FBXL5: variants seen among roughly 807,000 people sequenced by gnomAD.
The protein encoded by FBXL5 is F-box/LRR-repeat protein 5.
Under a neutral mutation model 78.3 loss-of-function variants are expected in FBXL5, and 26 were observed. The ratio of observed to expected loss-of-function variants is 0.33; its 90% CI spans 0.24 to 0.46. FBXL5 has a LOEUF of 0.46. Ranked by LOEUF, FBXL5 falls within the 20% of genes least tolerant of loss-of-function variation. The pLI is 1.00. For synonymous variants in FBXL5, 295 were observed against 282.5 expected (o/e 1.04, Z -0.45); for missense variants, 710 against 829.2 (o/e 0.86, Z 1.77).
intron 8 of FBXL5, among the ~76,000 whole-genome samples, chr4:15,626,585 T>A (rs1436120189): frequency 6.6e-6 from 1 of 152,164 alleles, no homozygotes; most frequent in African/African-American, 2.4e-5. Flanking sequence ...CAACTAAAAC[T>A]AAAACTTCTT....
At chr4:15,666,548 G>A (rs986569594) in intron 1 of FBXL5, among the ~76,000 whole-genome samples, 1 of 125,614 alleles carries the variant, frequency 8.0e-6, no homozygotes, top group African/African-American at 2.6e-5. Flanking sequence ...AAAGTGTCAG[G>A]TAGACAGGAG....
At chr4:15,661,319 G>A (rs1178624503), upstream of FBXL5, among the ~76,000 whole-genome samples, 1 of 152,190 alleles carries the variant, frequency 6.6e-6, no homozygotes, top group East Asian at 1.9e-4. Context: ...GGGTTGGAGT[G>A]TGGAACCAGT....
At chr4:15,649,323 T>C (rs1169679415) in intron 1 of FBXL5, among the ~76,000 whole-genome samples, 2 of 152,116 alleles carry the variant, frequency 1.3e-5, no homozygotes, top group Admixed American at 6.5e-5. Context: ...TTCACGCCTG[T>C]AATCCCAGCA....
chr4:15,633,239 T>C (rs764198164), intron 5 of FBXL5, among the ~76,000 whole-genome samples: 7 of 152,370 alleles, frequency 4.6e-5, no homozygotes, highest in Middle Eastern at 3.4e-3. Flanking sequence ...GAGTCTGCTA[T>C]GTACCTGCTA....
intron 1 of FBXL5, among the ~76,000 whole-genome samples, chr4:15,650,050 G>T (rs561710703): frequency 6.6e-6 from 1 of 152,154 alleles, no homozygotes; most frequent in African/African-American, 2.4e-5. Context: ...CACCAAGGCA[G>T]TAATTTTGCC....
At chr4:15,640,265 C>T (rs1473955380) in intron 3 of FBXL5, among the ~76,000 whole-genome samples, 2 of 151,490 alleles carry the variant, frequency 1.3e-5, no homozygotes, top group Non-Finnish European at 2.9e-5. Flanking sequence ...TGGTCTTGAA[C>T]TCGTGAGTTC....
intron 5 of FBXL5, among the ~76,000 whole-genome samples, chr4:15,633,412 A>G (rs1713898034): frequency 6.6e-6 from 1 of 152,226 alleles, no homozygotes; most frequent in African/African-American, 2.4e-5. Flanking sequence ...ATAACAGCTA[A>G]TAACTAAAAG....
chr4:15,625,140 TC>T (rs1464950993), intron 9 of FBXL5, 111 bp downstream of exon 9: 2 of 1,240,822 alleles, frequency 1.6e-6, no homozygotes, highest in Non-Finnish European at 2.2e-6. Flanking sequence ...TCTTGGTTAA[TC>T]CTTTTTGCTA....
Position 15,630,596 on chromosome 4 carries a change from AATAATT to A in FBXL5, c.892+64_892+69del, listed in dbSNP as rs1416850269. ...CACAAAATACATAAATCTAATACCT[AATAATT>A]ATAAGTACTTAATTATCAATTATTA... On this transcript the variant is annotated intron_variant, in intron 6 of 10. Transcript: ENST00000341285. 6.8e-6 allele frequency: 9 copies of A among 1,332,438 alleles called. No individual in the cohort carries two copies. In the East Asian group the frequency reaches 1.7e-4, roughly 25 times the overall value. 82.5% of individuals were successfully genotyped at this position (1,332,438 alleles called of 1,614,324 possible).
intron 10 of FBXL5, among the ~76,000 whole-genome samples, chr4:15,610,590 C>T (rs1722183278): frequency 1.3e-5 from 2 of 151,986 alleles, no homozygotes; most frequent in Admixed American, 1.3e-4. Context: ...TGCATAAGGA[C>T]AAAGTGCAAA....
At chr4:15,660,713 CAT>C (rs541198830), upstream of FBXL5, among the ~76,000 whole-genome samples, 31 of 152,274 alleles carry the variant, frequency 2.0e-4, no homozygotes, top group East Asian at 3.7e-3. Flanking sequence ...TAATCTACAA[CAT>C]GTGTAAAAAG....
chr4:15,631,020 A>G (rs1335446318), intron 5 of FBXL5, among the ~76,000 whole-genome samples: 1 of 152,106 alleles, frequency 6.6e-6, no homozygotes, highest in Admixed American at 6.6e-5. Context: ...GCACCCATCA[A>G]CTCATCATTT....
In FBXL5 at chr4:15,605,518, C is replaced by G. The variant is rs1324075992; in HGVS notation, c.*205G>C. On this transcript the variant is annotated 3_prime_UTR_variant, in exon 11 of 11. Transcript: ENST00000341285. ...TCTCACCCTTTTGAAAAGACCTAAT[C>G]CCTTTCTAAACCAAAAGTATAATTT... 7.6e-6 allele frequency: 4 copies of G among 527,594 alleles called. No individual in the cohort carries two copies. The highest frequency in any genetic ancestry group is 1.4e-5 in the Non-Finnish European group (4 of 290,560). The allele number at this position is 527,594 out of a possible 1,614,324, so 32.7% of individuals were successfully genotyped here.
At chr4:15,606,094 G>A (rs908657597) in intron 10 of FBXL5, among the ~76,000 whole-genome samples, 1 of 152,050 alleles carries the variant, frequency 6.6e-6, no homozygotes, top group Non-Finnish European at 1.5e-5. Context: ...ATCCACAGAA[G>A]CAAGATTGCC....
intron 1 of FBXL5, among the ~76,000 whole-genome samples, chr4:15,651,824 T>C (rs1439789976): frequency 6.6e-6 from 1 of 152,192 alleles, no homozygotes; most frequent in African/African-American, 2.4e-5. Flanking sequence ...ATAACTGGTT[T>C]ATATATAAGC....
chr4:15,656,109 G>A (rs1177851035), upstream of FBXL5: 1 of 451,538 alleles, frequency 2.2e-6, no homozygotes, highest in Admixed American at 2.4e-5. Context: ...TCAGGGATAG[G>A]CCCGACGGGC....
chr4:15,654,581 C>T (rs979171647), intron 1 of FBXL5, among the ~76,000 whole-genome samples: 1 of 152,202 alleles, frequency 6.6e-6, no homozygotes. Context: ...AAAACGATAA[C>T]GACACATGAA....
upstream of FBXL5, among the ~76,000 whole-genome samples, chr4:15,664,591 C>A (rs1170119780): frequency 9.3e-6 from 1 of 107,324 alleles, no homozygotes; most frequent in East Asian, 3.1e-4. Context: ...GAGTTTCACT[C>A]TTGTCACCCA....
At chr4:15,681,154 A>C (rs1231797404) in intron 1 of FBXL5, 1 of 152,144 alleles carries the variant, frequency 6.6e-6, no homozygotes, top group Non-Finnish European at 1.5e-5. Flanking sequence ...TGATCTGCTA[A>C]CCTAAAGAGT....
Sources: allele counts gnomAD v4.1 joint callset (sites outside exome capture counted in the v4.1 genomes callset), GRCh38; gene constraint gnomAD v4.1.1; transcripts MANE v1.5; gene names NCBI Gene and HGNC (gene_info 2026-07-23, HGNC 2026-07-21).